BMP7: variants seen among roughly 807,000 people sequenced by gnomAD.
BMP7 encodes the protein osteogenic protein 1.
Under a neutral mutation model 41.2 loss-of-function variants are expected in BMP7, and 12 were observed. The ratio of observed to expected loss-of-function variants is 0.29; its 90% confidence interval spans 0.19 to 0.47. The LOEUF is 0.47. BMP7 is among the 20% of genes least tolerant of loss of function. BMP7 has a pLI of 0.99. For missense variants in BMP7, 467 were observed against 606.0 expected (o/e 0.77, Z 2.41); for synonymous variants, 248 against 250.0 (o/e 0.99, Z 0.07).
At chr20:57,199,999 C>A (rs561040391) in intron 3 of BMP7, among the ~76,000 whole-genome samples, 2 of 152,316 alleles carry the variant, frequency 1.3e-5, no homozygotes, top group South Asian at 2.1e-4. Context: ...CACTAGGCTG[C>A]AAGGAATGGA....
intron 3 of BMP7, among the ~76,000 whole-genome samples, chr20:57,201,308 A>G (rs547600656): frequency 1.3e-5 from 2 of 152,242 alleles, no homozygotes; most frequent in East Asian, 1.9e-4. Context: ...AAATTGTCCA[A>G]CGTCACACAG....
At chr20:57,192,695 A>G (rs891131064) in intron 3 of BMP7, among the ~76,000 whole-genome samples, 3 of 152,114 alleles carry the variant, frequency 2.0e-5, no homozygotes, top group African/African-American at 7.2e-5. Context: ...AATATATTTT[A>G]GCAGAGGTTT....
At chr20:57,173,472 A>G (rs1292116120) in intron 5 of BMP7, 162 bp from the exon 6 acceptor site, 2 of 718,120 alleles carry the variant, frequency 2.8e-6, no homozygotes, top group South Asian at 3.1e-5. Flanking sequence ...GGCAGGAAAC[A>G]TGGGTGGCCT....
Position 57,201,533 on chromosome 20 carries a change from C to T in BMP7, c.760+942G>A, listed in dbSNP as rs59492161. ...TGAAAAGACAGAAACAGCAGTTGTCCCTGGGAAGTGGAACTCAGCAGCTGG... is the reference window on the plus strand; with the variant it reads ...TGAAAAGACAGAAACAGCAGTTGTCTCTGGGAAGTGGAACTCAGCAGCTGG... On this transcript the variant is annotated intron_variant, in intron 3 of 6. Transcript: ENST00000395863. 1.5e-3 allele frequency among the ~76,000 whole-genome samples: 230 copies of T among 152,280 alleles called. 1 individual carries two copies. Among genetic ancestry groups the T allele is most frequent in the African/African-American group, 5.4e-3 (223 of 41,562 alleles).
chr20:57,230,402 AC>A (rs1176571301), intron 1 of BMP7, among the ~76,000 whole-genome samples: 3 of 151,996 alleles, frequency 2.0e-5, no homozygotes, highest in Non-Finnish European at 4.4e-5. Context: ...TCACCGTGGG[AC>A]TGCCCCCGGC....
At chr20:57,172,003 C>T (rs775266625) in intron 6 of BMP7, among the ~76,000 whole-genome samples, 12 of 152,220 alleles carry the variant, frequency 7.9e-5, no homozygotes, top group African/African-American at 9.6e-5. Context: ...TGACCACAAT[C>T]GCATCATTTC....
At chr20:57,221,233 A>C (rs77899482) in intron 2 of BMP7, among the ~76,000 whole-genome samples, 1 of 152,074 alleles carries the variant, frequency 6.6e-6, no homozygotes, top group Non-Finnish European at 1.5e-5. Flanking sequence ...AGTCCGTGCA[A>C]CTTCCGAGGG....
At chr20:57,203,221 C>T (rs1156636892) in intron 2 of BMP7, among the ~76,000 whole-genome samples, 1 of 152,142 alleles carries the variant, frequency 6.6e-6, no homozygotes, top group African/African-American at 2.4e-5. Flanking sequence ...TTTATGAGCC[C>T]ACCAAGAGTT....
intron 3 of BMP7, among the ~76,000 whole-genome samples, chr20:57,184,756 C>T (rs375721722): frequency 5.3e-5 from 8 of 152,260 alleles, no homozygotes; most frequent in East Asian, 3.9e-4. Flanking sequence ...CACATAAAGA[C>T]ACAGATGCAG....
Position 57,202,628 on chromosome 20 carries a change from G to A in BMP7, c.612-5C>T, listed in dbSNP as rs114671049. 5.5e-4 allele frequency: 874 copies of A among 1,585,682 alleles called. 6 individuals carry two copies. In the African/African-American group the frequency reaches 0.01, roughly 19 times the overall value. ...AGCAGGAAGAGATCCGATTCCCTGC[G>A]AGAGAGGAGGAGAGACACGGGCTTC... On this transcript the variant is annotated splice_polypyrimidine_tract_variant and splice_region_variant and intron_variant, in intron 2 of 6. Transcript: ENST00000395863.
intron 2 of BMP7, among the ~76,000 whole-genome samples, chr20:57,222,914 C>T (rs533788408): frequency 1.4e-5 from 2 of 146,396 alleles, no homozygotes; most frequent in South Asian, 2.1e-4. Flanking sequence ...TAGCCAGTCC[C>T]TTTCCTGTGC....
At chr20:57,264,566 CG>C (rs1290801043) in intron 1 of BMP7, among the ~76,000 whole-genome samples, 3 of 152,184 alleles carry the variant, frequency 2.0e-5, no homozygotes, top group Non-Finnish European at 4.4e-5. Flanking sequence ...CTCGCGTCGC[CG>C]GGGTCGTCGC....
intron 3 of BMP7, among the ~76,000 whole-genome samples, chr20:57,195,528 C>G (rs935371856): frequency 6.6e-6 from 1 of 152,262 alleles, no homozygotes; most frequent in Non-Finnish European, 1.5e-5. Flanking sequence ...TTCTCTCCCT[C>G]TCCGGCTTCT....
intron 1 of BMP7, among the ~76,000 whole-genome samples, chr20:57,245,147 C>T (rs2123134306): frequency 1.3e-5 from 2 of 152,276 alleles, no homozygotes; most frequent in Non-Finnish European, 2.9e-5. Flanking sequence ...GCCCCAGGGG[C>T]TGATGGGGCA....
chr20:57,201,195 C>T (rs1431677035), intron 3 of BMP7, among the ~76,000 whole-genome samples: 1 of 152,258 alleles, frequency 6.6e-6, no homozygotes, highest in Non-Finnish European at 1.5e-5. Context: ...TTTTTAAAAA[C>T]TCTTCCCATA....
rs144178533 is a variant in BMP7 at position 57,221,887 on chromosome 20, G to C, written c.611+6342C>G. Among the ~76,000 whole-genome samples, 853 of 151,610 alleles carry C rather than the reference G, an allele frequency of 5.6e-3. 4 individuals carry two copies. The highest frequency in any genetic ancestry group is 0.02 in the African/African-American group (810 of 41,302). On this transcript the variant is annotated intron_variant, in intron 2 of 6. Coordinates refer to ENST00000395863, the MANE Select transcript of BMP7 (RefSeq NM_001719.3). ...CCATGGGGGGTTGTTGTGGGAAGCA[G>C]TAAAGAGCCCCCATTGCATGCAATT... is the stretch of plus-strand genomic sequence containing the variant.
intron 1 of BMP7, among the ~76,000 whole-genome samples, chr20:57,233,620 C>T (rs2066037022): frequency 6.6e-6 from 1 of 152,232 alleles, no homozygotes; most frequent in South Asian, 2.1e-4. Context: ...CTGCCCCCGG[C>T]ATCACTCAGG....
intron 3 of BMP7, among the ~76,000 whole-genome samples, chr20:57,199,878 C>A (rs567889957): frequency 6.6e-6 from 1 of 152,246 alleles, no homozygotes; most frequent in East Asian, 1.9e-4. Flanking sequence ...TGGCACCACA[C>A]CCGGCCCCCA....
intron 2 of BMP7, among the ~76,000 whole-genome samples, chr20:57,221,297 G>A (rs529788667): frequency 6.6e-6 from 1 of 152,276 alleles, no homozygotes; most frequent in East Asian, 1.9e-4. Context: ...ACACACTACT[G>A]GGACAGGCTG....
Sources: gnomAD v4.1 joint callset for allele counts (sites outside exome capture counted in the v4.1 genomes callset) on GRCh38, gnomAD v4.1.1 for gene constraint, MANE v1.5 for transcripts, NCBI Gene and HGNC (gene_info 2026-07-23, HGNC 2026-07-21) for gene names.